CCDC9B: variants seen among roughly 807,000 people sequenced by gnomAD.
CCDC9B encodes coiled-coil domain-containing protein 9B.
CCDC9B carries 40 observed loss-of-function variants against 47.2 expected under a neutral mutation model. The ratio of observed to expected loss-of-function variants is 0.85; its 90% confidence interval spans 0.66 to 1.10. The LOEUF is 1.10. CCDC9B is among the 50% of genes least tolerant of loss of function. The pLI, the probability that CCDC9B is intolerant of heterozygous loss-of-function variation, is 0.00. For synonymous variants in CCDC9B, 238 were observed against 250.7 expected, an observed-to-expected ratio of 0.95 and a Z score of 0.48; for missense variants, 662 against 651.0, an observed-to-expected ratio of 1.02 and a Z score of -0.18.
At chr15:40,337,495 G>A in intron 6 of CCDC9B, 49 bp from the exon 7 acceptor site, 1 of 1,479,198 alleles carries the variant, frequency 6.8e-7, no homozygotes, top group Non-Finnish European at 9.1e-7. Context: ...AGCTGCCGCG[G>A]GCCCCACCCT....
chr15:40,339,531 G>C lies in CCDC9B; in HGVS notation c.212C>G (p.Thr71Ser). 1 of 1,613,800 alleles carries C rather than the reference G, an allele frequency of 6.2e-7. No homozygotes were observed. The highest frequency in any genetic ancestry group is 8.5e-7 in the Non-Finnish European group (1 of 1,179,864). ...ALLQPDGLTV[T>S]ISQVPGEKRV... ...GCTTACACCGGGAACCTGGCTGATG[G>C]TAACGGTGAGGCCATCAGGCTGGAG... is the stretch of plus-strand genomic sequence containing the variant. Residue 71 changes from threonine to serine, a missense_variant, in exon 3 of 11, where the codon ACC (threonine) becomes AGC (serine). Transcript: ENST00000397536.
intron 2 of CCDC9B, 32 bp downstream of exon 2, chr15:40,339,873 G>A: frequency 6.5e-7 from 1 of 1,542,748 alleles, no homozygotes; most frequent in Non-Finnish European, 9.0e-7. Flanking sequence ...GCAGCCAAGT[G>A]GTTTCTCCTG....
chr15:40,335,518 A>C lies in CCDC9B; in HGVS notation c.1113T>G (p.Pro371=), dbSNP rs764253438. The change falls in exon 11 of 11, where the codon CCT becomes CCG. Residue 371 remains proline, a synonymous_variant. Coordinates refer to ENST00000397536, the MANE Select transcript of CCDC9B (RefSeq NM_207380.3). ...GGGAGAGGTCAAGAGGAGCCAAGTC[A>C]GGCTCCTGTGGAGAGCAGGGGACTG... ...ASSVPCSPQE[P]DLAPLDLSLG... is the part of the protein sequence containing the mutation. 1.9e-6 allele frequency: 3 copies of C among 1,554,686 alleles called. No individual in the cohort carries two copies. In the South Asian group the frequency reaches 3.6e-5, roughly 19 times the overall value.
chr15:40,340,491 G>A lies in CCDC9B; in HGVS notation c.12+317C>T, dbSNP rs547233937. On this transcript the variant is annotated intron_variant, in intron 1 of 10. Transcript: ENST00000397536. ...CTCAGGCCCTGGACCCCGCACCTAGGCCTGTGCCCAGCCTGGAGGAAAGAG... is the reference window on the plus strand; with the variant it reads ...CTCAGGCCCTGGACCCCGCACCTAGACCTGTGCCCAGCCTGGAGGAAAGAG... 8 of 431,726 alleles carry A rather than the reference G, an allele frequency of 1.9e-5. No homozygotes were observed. The East Asian group carries it at 2.9e-4, about 16-fold the overall frequency. The allele number at this position is 431,726 out of a possible 1,614,324, so 26.7% of individuals were successfully genotyped here.
Position 40,335,505 on chromosome 15 carries a change from G to C in CCDC9B, c.1126C>G (p.Leu376Val). The C allele has an allele frequency of 1.9e-6, 3 of 1,567,608 alleles. No homozygotes were observed. The highest frequency in any genetic ancestry group is 2.6e-6 in the Non-Finnish European group (3 of 1,154,232). Residue 376 changes from leucine to valine, a missense_variant, in exon 11 of 11, where the codon CTT (leucine) becomes GTT (valine). By Grantham distance (32) the Leu-to-Val change is conservative. Coordinates refer to ENST00000397536, the MANE Select transcript of CCDC9B (RefSeq NM_207380.3). ...CSPQEPDLAP[L>V]DLSLGGAGIP... ...CCAGCCCCTCCTAGGGAGAGGTCAA[G>C]AGGAGCCAAGTCAGGCTCCTGTGGA...
Position 40,337,728 on chromosome 15 carries a change from A to ACTTGGC in CCDC9B, c.673_678dup (p.Ala225_Lys226dup). On this transcript the variant is annotated inframe_insertion, in exon 6 of 11. Transcript: ENST00000397536. ...CTGCCCAACCCAGCCACCCACGTGG[A>ACTTGGC]CTTGGCCTTGTCCAGGTCCCACGGG... is the stretch of plus-strand genomic sequence containing the variant. The ACTTGGC allele has an allele frequency of 6.3e-7, 1 of 1,596,094 alleles. No individual in the cohort carries two copies. Among genetic ancestry groups the ACTTGGC allele is most frequent in the Non-Finnish European group, 8.5e-7 (1 of 1,174,004 alleles).
At chr15:40,339,759 C>A (rs1472933532) in intron 2 of CCDC9B, 140 bp from the exon 3 acceptor site, 8 of 1,463,128 alleles carry the variant, frequency 5.5e-6, no homozygotes. Context: ...AGGACCCTCA[C>A]CAAGCCTCTA....
In CCDC9B at chr15:40,335,034, G is replaced by T; in HGVS notation, c.*124C>A. ...ACAAGGTCGCCATGCTGGAGAGTTT[G>T]CCACACTGCTCAGTGACAATGGCGC... On this transcript the variant is annotated 3_prime_UTR_variant, in exon 11 of 11. Transcript: ENST00000397536. 1 of 916,784 alleles carries T rather than the reference G, an allele frequency of 1.1e-6. No homozygotes were observed. The highest frequency in any genetic ancestry group is 2.1e-5 in the South Asian group (1 of 47,574). 56.8% of individuals were successfully genotyped at this position (916,784 alleles called of 1,614,324 possible).
chr15:40,335,302 G>T lies in CCDC9B; in HGVS notation c.1329C>A (p.Pro443=), dbSNP rs145243262. Residue 443 remains proline (P), a synonymous_variant, in exon 11 of 11, where the codon CCC becomes CCA. Transcript: ENST00000397536. ...EPQRGAGLPE[P]GEDRSGKSGA... The stretch of plus-strand genomic sequence containing the variant: ...CAGACTTGCCAGACCTGTCTTCTCC[G>T]GGCTCTGGGAGCCCTGCTCCTCTCT... 4 of 1,613,010 alleles carry T rather than the reference G, an allele frequency of 2.5e-6. No individual in the cohort carries two copies. Among genetic ancestry groups the T allele is most frequent in the Non-Finnish European group, 2.5e-6 (3 of 1,179,592 alleles).
At chr15:40,337,527 C>T (rs1332403231) in intron 6 of CCDC9B, 81 bp from the exon 7 acceptor site, 1 of 1,346,546 alleles carries the variant, frequency 7.4e-7, no homozygotes, top group Non-Finnish European at 1.0e-6. Context: ...CCCCGAAGCC[C>T]AGGCCCAGAA....
At chr15:40,338,036 G>C (rs750828164) in intron 5 of CCDC9B, 143 bp from the exon 6 acceptor site, 106 of 808,132 alleles carry the variant, frequency 1.3e-4, no homozygotes, top group Non-Finnish European at 2.1e-4. Flanking sequence ...CCGTGGAAAT[G>C]GTTTCCATCC....
Position 40,335,593 on chromosome 15 carries a change from C to A in CCDC9B, c.1038G>T (p.Leu346=), listed in dbSNP as rs1183500622. ...LGSAPAASPA[L]ASPEGPKGES... ...CCCCCTTCGGCCCCTCTGGGGATGC[C>A]AGGGCTGGGCTGGCTGCAGGGGCGC... The change falls in exon 11 of 11, where the codon CTG becomes CTT. Residue 346 remains leucine (L), a synonymous_variant. Transcript: ENST00000397536. The A allele has an allele frequency of 6.7e-7, 1 of 1,499,108 alleles. No homozygotes were observed. The highest frequency in any genetic ancestry group is 2.4e-5 in the East Asian group (1 of 41,698). The allele number at this position is 1,499,108 out of a possible 1,614,324, so 92.9% of individuals were successfully genotyped here.
chr15:40,335,080 G>GC lies in CCDC9B; in HGVS notation c.*77dup, dbSNP rs1426586063. On this transcript the variant is annotated 3_prime_UTR_variant, in exon 11 of 11. Transcript: ENST00000397536. ...GGCGCAAGCCACCGGCAACCACATG[G>GC]CCATCACGCGGAGGGCCTTTAACAG... 1 of 1,329,810 alleles carries GC rather than the reference G, an allele frequency of 7.5e-7. No homozygotes were observed. The highest frequency in any genetic ancestry group is 1.0e-6 in the Non-Finnish European group (1 of 994,320). 82.4% of individuals were successfully genotyped at this position (1,329,810 alleles called of 1,614,324 possible). A position where few individuals can be genotyped will look rare whatever the true frequency, so the allele number is the denominator to read the frequency against.
intron 9 of CCDC9B, chr15:40,336,359 A>G (rs1888959353): frequency 4.1e-6 from 4 of 985,424 alleles, no homozygotes; most frequent in Non-Finnish European, 3.6e-6. Context: ...TCCCAGGGGA[A>G]GGGAGCTGCT....
At chr15:40,339,370 T>C (rs990204732) in intron 3 of CCDC9B, 142 bp downstream of exon 3, 20 of 796,750 alleles carry the variant, frequency 2.5e-5, no homozygotes, top group Non-Finnish European at 4.1e-5. Flanking sequence ...ACAGCAGTGG[T>C]CCGACTGCAG....
At position 40,333,005 on chromosome 15, in the gene CCDC9B, C is replaced by A. The variant is rs72731500; in HGVS notation, c.*2153G>T. 31,257 of 152,182 alleles carry A rather than the reference C, an allele frequency of 0.21. 3,753 individuals carry two copies. Among genetic ancestry groups the A allele is most frequent in the Non-Finnish European group, 0.27 (18,034 of 68,016 alleles). The allele number at this position is 152,182 out of a possible 1,614,324, so 9.4% of individuals were successfully genotyped here. On this transcript the variant is annotated 3_prime_UTR_variant, in exon 11 of 11. Coordinates refer to ENST00000397536, the MANE Select transcript of CCDC9B (RefSeq NM_207380.3). ...TTCACTCCATCCCATCCCTGACCAG[C>A]TCTCCCACTGCACTACTAGAAGTTG...
rs773943770 is a variant in CCDC9B at position 40,340,836 on chromosome 15, G to A, written c.-17C>T. 1.4e-5 allele frequency: 23 copies of A among 1,608,630 alleles called. No homozygotes were observed. The highest frequency in any genetic ancestry group is 1.1e-4 in the East Asian group (5 of 44,726). On this transcript the variant is annotated 5_prime_UTR_variant, in exon 1 of 11. Transcript: ENST00000397536. Reference sequence around the variant, plus strand: ...CGAGTGCATGGCAACGGCGGGCACCGAGAGAATTCCAGAGCAGCCCCTGGG... The same window carrying A: ...CGAGTGCATGGCAACGGCGGGCACCAAGAGAATTCCAGAGCAGCCCCTGGG...
rs1888873250 is a variant in CCDC9B, at chr15:40,332,280, GT to G, written c.*2877del. On this transcript the variant is annotated 3_prime_UTR_variant, in exon 11 of 11. Coordinates refer to ENST00000397536, the MANE Select transcript of CCDC9B (RefSeq NM_207380.3). ...CTGCTTCCATCCTACAGCAGGAGGG[GT>G]GGCAACCATCCGGACTGATAGCCGG... 6.6e-6 allele frequency: 1 copy of G among 152,176 alleles called. No individual in the cohort carries two copies. The highest frequency in any genetic ancestry group is 1.5e-5 in the Non-Finnish European group (1 of 68,030). The allele number at this position is 152,176 out of a possible 1,614,324, so 9.4% of individuals were successfully genotyped here.
rs1888892102 is a variant in CCDC9B, at chr15:40,333,324, T to G, written c.*1834A>C. The stretch of plus-strand genomic sequence containing the variant: ...GGCTCATGCCTGTAATCCCAGCAGT[T>G]TAGGAGGCCAAGGCGAGCAGATTGC... On this transcript the variant is annotated 3_prime_UTR_variant, in exon 11 of 11. Transcript: ENST00000397536. The G allele has an allele frequency of 6.6e-6, 1 of 151,918 alleles. No individual in the cohort carries two copies. The highest frequency in any genetic ancestry group is 2.4e-5 in the African/African-American group (1 of 41,284). 9.4% of individuals were successfully genotyped at this position (151,918 alleles called of 1,614,324 possible). A position where few individuals can be genotyped will look rare whatever the true frequency, so the allele number is the denominator to read the frequency against.
Sources: gnomAD v4.1 joint callset for allele counts on GRCh38, gnomAD v4.1.1 for gene constraint, MANE v1.5 for transcripts, NCBI Gene and HGNC (gene_info 2026-07-23, HGNC 2026-07-21) for gene names.